The following CYP39A1 variants were observed in gnomAD, a reference collection of about 807,000 sequenced individuals.
CYP39A1 encodes 24-hydroxycholesterol 7-alpha-hydroxylase.
Under a neutral mutation model 58.1 loss-of-function variants are expected in CYP39A1, and 49 were observed. The ratio of observed to expected loss-of-function variants is 0.84; its 90% CI spans 0.67 to 1.07. The LOEUF is 1.07. Among genes scored for constraint, CYP39A1 ranks in the 50% least tolerant of loss-of-function variants. The pLI is 0.00. For missense variants in CYP39A1, 531 were observed against 539.4 expected (o/e 0.98, Z 0.16); for synonymous variants, 209 against 187.6 (o/e 1.11, Z -0.93).
intron 8 of CYP39A1, among the ~76,000 whole-genome samples, chr6:46,595,376 T>C (rs1038778730): frequency 2.0e-5 from 3 of 152,022 alleles, no homozygotes; most frequent in Non-Finnish European, 4.4e-5. Context: ...ATAAAATGTA[T>C]ATATACATAA....
intron 10 of CYP39A1, among the ~76,000 whole-genome samples, chr6:46,580,495 A>G (rs806483): frequency 6.6e-6 from 1 of 152,090 alleles, no homozygotes; most frequent in South Asian, 2.1e-4. Context: ...AAAAACAAAA[A>G]TAGACAGGTG....
Position 46,636,438 on chromosome 6 carries a change from T to C in CYP39A1, c.683A>G (p.Lys228Arg), listed in dbSNP as rs754422311. Residue 228 changes from lysine (K) to arginine (R), a missense_variant, in exon 5 of 12, where the codon AAA becomes AGA. Coordinates refer to ENST00000275016, the MANE Select transcript of CYP39A1 (RefSeq NM_016593.5). Reference protein sequence around the residue: ...SKKWFLELFEKNIPDIKACKS... With the variant: ...SKKWFLELFERNIPDIKACKS... ...ACATGCTTTTATATCTGGAATGTTT[T>C]TCTCAAACAGTTCCAGGAACCACTT... 1.6e-5 allele frequency: 26 copies of C among 1,610,388 alleles called. No individual in the cohort carries two copies. The highest frequency in any genetic ancestry group is 2.7e-5 in the African/African-American group (2 of 74,832).
At chr6:46,554,681 T>C (rs187489483) in intron 10 of CYP39A1, among the ~76,000 whole-genome samples, 111 of 152,294 alleles carry the variant, frequency 7.3e-4, no homozygotes, top group Non-Finnish European at 1.3e-3. Context: ...TGTTTTGAAC[T>C]CTCTGCAGGA....
At chr6:46,566,676 A>C (rs1771298751) in intron 10 of CYP39A1, among the ~76,000 whole-genome samples, 1 of 152,142 alleles carries the variant, frequency 6.6e-6, no homozygotes, top group Non-Finnish European at 1.5e-5. Context: ...ATTAAGGAAA[A>C]GGGGCAAAGG....
At chr6:46,558,201 G>A (rs1358463656) in intron 10 of CYP39A1, among the ~76,000 whole-genome samples, 1 of 152,058 alleles carries the variant, frequency 6.6e-6, no homozygotes, top group African/African-American at 2.4e-5. Context: ...AATACTGTTT[G>A]TATTCATCTG....
chr6:46,568,109 A>T (rs1191002556), intron 10 of CYP39A1, among the ~76,000 whole-genome samples: 1 of 152,042 alleles, frequency 6.6e-6, no homozygotes, highest in Non-Finnish European at 1.5e-5. Flanking sequence ...TCACAGGTAT[A>T]AGGTGGTATT....
chr6:46,573,558 A>T (rs910217611), intron 10 of CYP39A1, among the ~76,000 whole-genome samples: 3 of 152,126 alleles, frequency 2.0e-5, no homozygotes, highest in Non-Finnish European at 4.4e-5. Flanking sequence ...AGCCAAAGGG[A>T]TCCTCTTGGT....
At chr6:46,587,642 G>C (rs1339088511) in intron 9 of CYP39A1, among the ~76,000 whole-genome samples, 1 of 152,132 alleles carries the variant, frequency 6.6e-6, no homozygotes, top group African/African-American at 2.4e-5. Context: ...TAACTTTCCA[G>C]TTCTAAGAAA....
At chr6:46,578,798 C>T (rs761597427) in intron 10 of CYP39A1, among the ~76,000 whole-genome samples, 18 of 151,796 alleles carry the variant, frequency 1.2e-4, no homozygotes, top group South Asian at 4.2e-4. Flanking sequence ...AATCAAAACT[C>T]GTTATTATAT....
chr6:46,614,717 GA>G (rs3837038), intron 7 of CYP39A1, among the ~76,000 whole-genome samples: 29,660 of 152,030 alleles, frequency 0.2, 3,141 homozygotes, highest in African/African-American at 0.28. Context: ...GCAAGCAGCA[GA>G]AACTAAACCT....
In CYP39A1 at chr6:46,610,042, G is replaced by A. The variant is rs138881259; in HGVS notation, c.932-13922C>T. On this transcript the variant is annotated intron_variant, in intron 7 of 11. Transcript: ENST00000275016. ...CGCTATCCCCGCAAATTCTTTATAG[G>A]TTCTCTCCATTGAGTGCAGGTTTCT... 3.0e-3 allele frequency among the ~76,000 whole-genome samples: 459 copies of A among 152,190 alleles called. 2 individuals carry two copies. Among genetic ancestry groups the A allele is most frequent in the Non-Finnish European group, 4.7e-3 (323 of 68,008 alleles).
chr6:46,593,928 A>T (rs185382426), intron 8 of CYP39A1, among the ~76,000 whole-genome samples: 12 of 152,184 alleles, frequency 7.9e-5, no homozygotes, highest in African/African-American at 2.6e-4. Context: ...ATAAATTGAG[A>T]TTATCCAATA....
At chr6:46,636,775 GGCTGCTGTAA>G (rs558810628) in intron 4 of CYP39A1, among the ~76,000 whole-genome samples, 486 of 152,270 alleles carry the variant, frequency 3.2e-3, no homozygotes, top group Middle Eastern at 6.8e-3. Flanking sequence ...CCTTTACTGT[GGCTGCTGTAA>G]GTTGCAGGAG....
chr6:46,606,105 C>T (rs1404866601), intron 7 of CYP39A1, among the ~76,000 whole-genome samples: 9 of 152,006 alleles, frequency 5.9e-5, no homozygotes, highest in African/African-American at 2.2e-4. Flanking sequence ...AAGTTCTTGA[C>T]CTCCTTCAGA....
rs984524274 is a variant in CYP39A1 at position 46,636,634 on chromosome 6, G to A, written c.639-152C>T. ...ATAATTTCATGGAAGGTCTACCTTC[G>A]GAATGATTAGTCCACAAAGACAGCT... On this transcript the variant is annotated intron_variant, in intron 4 of 11. Transcript: ENST00000275016. The A allele has an allele frequency of 6.7e-5, 40 of 601,086 alleles. 1 individual carries two copies. Among genetic ancestry groups the A allele is most frequent in the South Asian group, 4.0e-4 (19 of 46,968 alleles). 37.2% of individuals were successfully genotyped at this position (601,086 alleles called of 1,614,324 possible). A position where few individuals can be genotyped will look rare whatever the true frequency, so the allele number is the denominator to read the frequency against.
At chr6:46,557,325 C>T (rs1000517231) in intron 10 of CYP39A1, among the ~76,000 whole-genome samples, 3 of 150,856 alleles carry the variant, frequency 2.0e-5, no homozygotes, top group African/African-American at 2.4e-5. Flanking sequence ...AGATCAAGAC[C>T]CCCAAGCAGA....
At chr6:46,564,192 T>A (rs1771154357) in intron 10 of CYP39A1, among the ~76,000 whole-genome samples, 2 of 146,468 alleles carry the variant, frequency 1.4e-5, no homozygotes, top group Non-Finnish European at 3.0e-5. Context: ...TCTATTTTAT[T>A]TTATTTTATT....
At position 46,550,286 on chromosome 6, in the gene CYP39A1, A is replaced by G; in HGVS notation, c.*80T>C. 1 of 1,073,466 alleles carries G rather than the reference A, an allele frequency of 9.3e-7. No individual in the cohort carries two copies. The allele number at this position is 1,073,466 out of a possible 1,614,324, so 66.5% of individuals were successfully genotyped here. ...ACAAAGTGAAGCAGTGTGTTTTTGT[A>G]GAGCTCAGGTCTAGGTGCTGCCAGG... On this transcript the variant is annotated 3_prime_UTR_variant, in exon 12 of 12. Transcript: ENST00000275016.
At chr6:46,594,428 A>G (rs887508286) in intron 8 of CYP39A1, among the ~76,000 whole-genome samples, 14 of 152,122 alleles carry the variant, frequency 9.2e-5, no homozygotes, top group South Asian at 2.1e-4. Flanking sequence ...AGCTACAGTA[A>G]TCAAAACAGC....
Sources: gnomAD v4.1 joint callset for allele counts (sites outside exome capture counted in the v4.1 genomes callset) on GRCh38, gnomAD v4.1.1 for gene constraint, MANE v1.5 for transcripts, NCBI Gene and HGNC (gene_info 2026-07-23, HGNC 2026-07-21) for gene names.